Variants in SLIT1 observed in about 807,000 individuals in gnomAD.
SLIT1 encodes slit guidance ligand 1, also known as slit homolog 1 protein.
A neutral mutation model predicts 186.1 loss-of-function variants in SLIT1; 66 were observed. The ratio of observed to expected loss-of-function variants is 0.35; its 90% CI spans 0.29 to 0.44. The LOEUF is 0.44. Among genes scored for constraint, SLIT1 ranks in the 20% least tolerant of loss-of-function variants. The probability of loss-of-function intolerance (pLI) is 1.00; values close to 1 mark genes in which losing one functional copy is unlikely to be tolerated. For synonymous variants in SLIT1, 761 were observed against 833.8 expected (o/e 0.91, Z 1.50); for missense variants, 1,638 against 2,037.4 (o/e 0.80, Z 3.77).
At chr10:97,126,970 C>T (rs1849608535) in intron 4 of SLIT1, among the ~76,000 whole-genome samples, 1 of 152,198 alleles carries the variant, frequency 6.6e-6, no homozygotes, top group Admixed American at 6.5e-5. Context: ...CCAAACACTC[C>T]TCCCATCTAC....
At chr10:97,166,623 G>GAAAGAAAGAGAGAGAAA (rs3979552) in intron 1 of SLIT1, among the ~76,000 whole-genome samples, 2 of 42,678 alleles carry the variant, frequency 4.7e-5, no homozygotes, top group African/African-American at 1.9e-4. Flanking sequence ...AAGAAAGAAA[G>GAAAGAAAGAGAGAGAAA]AGAAAAGAAA....
At chr10:97,060,989 A>G (rs879892498) in intron 8 of SLIT1, among the ~76,000 whole-genome samples, 1 of 152,240 alleles carries the variant, frequency 6.6e-6, no homozygotes, top group East Asian at 1.9e-4. Context: ...TTCTTGTCAG[A>G]TGTTTGCTGA....
chr10:97,021,045 C>T lies in SLIT1; in HGVS notation c.2746+205G>A, dbSNP rs143872770. ...CCACAGGGAGGGATTACGGCCCTGA[C>T]GGCCTGGGATTTTTCTGCCTGGCTC... On this transcript the variant is annotated intron_variant, in intron 26 of 36. Transcript: ENST00000266058. The surrounding 1 kb of genome is among the most constrained non-coding windows in gnomAD (Gnocchi z 4.5). Among the ~76,000 whole-genome samples, 100 of 152,354 alleles carry T rather than the reference C, an allele frequency of 6.6e-4. 1 individual carries two copies. The South Asian group carries it at 8.9e-3, about 14-fold the overall frequency.
chr10:97,155,743 C>A (rs956870691), intron 4 of SLIT1, among the ~76,000 whole-genome samples: 2 of 152,064 alleles, frequency 1.3e-5, no homozygotes, highest in African/African-American at 4.8e-5. Context: ...AGAGCAAGGG[C>A]AAAAGCTTGA....
rs150754287 is a variant in SLIT1, at chr10:97,179,800, T to TCCC, written c.197+5675_197+5677dup. On this transcript the variant is annotated intron_variant, in intron 1 of 36. Coordinates refer to ENST00000266058, the MANE Select transcript of SLIT1 (RefSeq NM_003061.3). ...AAAGAGGAGCCAATTCTCCACACCC[T>TCCC]CCCCGCCCCCCGGCACAGCCCAGCT... Among the ~76,000 whole-genome samples the TCCC allele has an allele frequency of 3.8e-4, 48 of 126,356 alleles. 1 individual carries two copies. Among genetic ancestry groups the TCCC allele is most frequent in the African/African-American group, 9.2e-4 (33 of 35,942 alleles). The allele number at this position is 126,356 out of a possible 152,430, so 82.9% of individuals were successfully genotyped here. A position where few individuals can be genotyped will look rare whatever the true frequency, so the allele number is the denominator to read the frequency against.
chr10:97,077,872 C>T (rs775813275), intron 4 of SLIT1, among the ~76,000 whole-genome samples: 12 of 151,954 alleles, frequency 7.9e-5, no homozygotes, highest in African/African-American at 1.5e-4. Context: ...TTTGGGAGGC[C>T]GAAGCAAGAG....
In SLIT1 at chr10:97,000,986, A is replaced by G. The variant is rs1454021053; in HGVS notation, c.*126T>C. The G allele has an allele frequency of 1.7e-5, 12 of 715,844 alleles. No individual in the cohort carries two copies. The highest frequency in any genetic ancestry group is 8.9e-5 in the African/African-American group (5 of 56,204). 44.3% of individuals were successfully genotyped at this position (715,844 alleles called of 1,614,324 possible). On this transcript the variant is annotated 3_prime_UTR_variant, in exon 37 of 37. Coordinates refer to ENST00000266058, the MANE Select transcript of SLIT1 (RefSeq NM_003061.3). ...CTGCTCTGGCACCACCCCACCCAGG[A>G]GGGCCCAGCTGCCCAGGAGCCGTCC... is the stretch of plus-strand genomic sequence containing the variant.
At position 97,184,168 on chromosome 10, in the gene SLIT1, C is replaced by T. The variant is rs1850380194; in HGVS notation, c.197+1310G>A. On this transcript the variant is annotated intron_variant, in intron 1 of 36. Coordinates refer to ENST00000266058, the MANE Select transcript of SLIT1 (RefSeq NM_003061.3). The surrounding 1 kb of genome is among the most constrained non-coding windows in gnomAD (Gnocchi z 4.4). Reference sequence around the variant, plus strand: ...CAAATGTGTGCTCACTAATTGCTGGCCTTGGTACAGAGTCTGATTCGGGAG... The same window carrying T: ...CAAATGTGTGCTCACTAATTGCTGGTCTTGGTACAGAGTCTGATTCGGGAG... Among the ~76,000 whole-genome samples the T allele has an allele frequency of 6.6e-6, 1 of 152,052 alleles. No homozygotes were observed. The highest frequency in any genetic ancestry group is 2.4e-5 in the African/African-American group (1 of 41,406).
At chr10:97,007,112 GAAAT>G (rs1374746566) in intron 31 of SLIT1, among the ~76,000 whole-genome samples, 2 of 152,072 alleles carry the variant, frequency 1.3e-5, no homozygotes, top group Non-Finnish European at 2.9e-5. Context: ...ACTAAAATAA[GAAAT>G]AAAAGAAGGG....
At chr10:97,111,597 T>C (rs543192331) in intron 4 of SLIT1, among the ~76,000 whole-genome samples, 2 of 152,354 alleles carry the variant, frequency 1.3e-5, no homozygotes, top group South Asian at 4.1e-4. Flanking sequence ...TAGACATAAA[T>C]GGTGAATGAA....
In SLIT1 at chr10:97,049,089, TC is replaced by T. The variant is rs1435163912; in HGVS notation, c.1330del (p.Asp444ThrfsTer60). The T allele has an allele frequency of 6.2e-7, 1 of 1,613,722 alleles. No individual in the cohort carries two copies. On this transcript the variant is annotated frameshift_variant, in exon 14 of 37. Transcript: ENST00000266058. LOFTEE classifies it high-confidence loss of function. ...GTCTGCCAGCCACTTGAGGTTACAGTCGCAAATGAAAGGGTTCTGCGCCAGG... is the reference window on the plus strand; with the variant it reads ...GTCTGCCAGCCACTTGAGGTTACAGTGCAAATGAAAGGGTTCTGCGCCAGG... The part of the protein sequence containing the change: ...LHLAQNPFIC[D>X]CNLKWLADFL...
At chr10:97,016,878 T>C (rs1177121474) in intron 28 of SLIT1, among the ~76,000 whole-genome samples, 1 of 152,188 alleles carries the variant, frequency 6.6e-6, no homozygotes, top group Admixed American at 6.5e-5. Flanking sequence ...GTTAACTGTT[T>C]TCCCTGAAGG....
At chr10:97,079,664 A>G (rs1044378907) in intron 4 of SLIT1, among the ~76,000 whole-genome samples, 2 of 152,214 alleles carry the variant, frequency 1.3e-5, no homozygotes, top group Non-Finnish European at 2.9e-5. Flanking sequence ...TGGCAGAAAC[A>G]ATCCCCAGCC....
intron 25 of SLIT1, among the ~76,000 whole-genome samples, chr10:97,024,492 C>T (rs954149556): frequency 3.3e-5 from 5 of 152,190 alleles, no homozygotes; most frequent in Admixed American, 1.3e-4. Flanking sequence ...GGTTCGACCT[C>T]GGCATGTGTT....
chr10:97,049,216 G>A (rs1848765846), intron 13 of SLIT1, 98 bp from the exon 14 acceptor site: 12 of 1,414,160 alleles, frequency 8.5e-6, no homozygotes, highest in Non-Finnish European at 1.1e-5. Context: ...GGCCAAGGAG[G>A]CTGCCTGTGG....
intron 2 of SLIT1, among the ~76,000 whole-genome samples, chr10:97,164,160 CT>C (rs1355642652): frequency 1.3e-5 from 2 of 152,228 alleles, no homozygotes; most frequent in Non-Finnish European, 2.9e-5. Flanking sequence ...AACAGATTGA[CT>C]GTTGCGTGAT....
intron 26 of SLIT1, among the ~76,000 whole-genome samples, chr10:97,019,659 T>G (rs1449885953): frequency 6.6e-6 from 1 of 151,648 alleles, no homozygotes; most frequent in Non-Finnish European, 1.5e-5. Context: ...AGGACCATTT[T>G]CCCCCACCTC....
intron 4 of SLIT1, among the ~76,000 whole-genome samples, chr10:97,144,058 C>T (rs150608805): frequency 0.046 from 6,970 of 152,110 alleles, 239 homozygotes; most frequent in East Asian, 0.12. Flanking sequence ...ATTAGCTGGG[C>T]GTGGTGGCGG....
chr10:97,002,732 G>C lies in SLIT1; in HGVS notation c.4126C>G (p.Pro1376Ala). 1 of 1,593,660 alleles carries C rather than the reference G, an allele frequency of 6.3e-7. No individual in the cohort carries two copies. Among genetic ancestry groups the C allele is most frequent in the Non-Finnish European group, 8.6e-7 (1 of 1,166,002 alleles). ...AGWVGLHCDQPADGPCHGHKC... is the reference protein window; with the variant it reads ...AGWVGLHCDQAADGPCHGHKC... Reference sequence around the variant, plus strand: ...TGGCCATGGCAGGGGCCGTCAGCGGGCTGGTCACAGTGCAGGCCCACCCAG... The same window carrying C: ...TGGCCATGGCAGGGGCCGTCAGCGGCCTGGTCACAGTGCAGGCCCACCCAG... The change falls in exon 35 of 37, where the codon CCC (proline) becomes GCC (alanine). Residue 1376 changes from proline to alanine, a missense_variant. Physicochemically the swap from Pro to Ala is conservative, Grantham distance 27. Coordinates refer to ENST00000266058, the MANE Select transcript of SLIT1 (RefSeq NM_003061.3).
Sources: gnomAD v4.1 joint callset for allele counts (sites outside exome capture counted in the v4.1 genomes callset) on GRCh38, gnomAD v4.1.1 for gene constraint, Gnocchi (gnomAD v3.1) non-coding constraint, MANE v1.5 for transcripts, NCBI Gene and HGNC (gene_info 2026-07-23, HGNC 2026-07-21) for gene names.